The following TYW1B variants were observed in gnomAD, a reference collection of about 807,000 sequenced individuals.
TYW1B encodes S-adenosyl-L-methionine-dependent tRNA 4-demethylwyosine synthase TYW1B.
In TYW1B, 73 loss-of-function variants were observed where a neutral mutation model predicts 86.9. The observed-to-expected ratio is 0.84, with a 90% CI of 0.70 to 1.02. The LOEUF (loss-of-function observed/expected upper bound fraction) is 1.02, where lower values mean the gene tolerates loss of function less well. Among genes scored for constraint, TYW1B ranks in the 50% least tolerant of loss-of-function variants. TYW1B has a pLI of 0.00. For missense variants in TYW1B, 637 were observed against 827.4 expected (o/e 0.77, Z 2.82); for synonymous variants, 248 against 292.8 (o/e 0.85, Z 1.56).
intron 6 of TYW1B, among the ~76,000 whole-genome samples, chr7:72,789,851 C>T (rs1788189557): frequency 6.9e-6 from 1 of 145,100 alleles, no homozygotes; most frequent in South Asian, 2.2e-4. Flanking sequence ...ACACAGTGTA[C>T]AATAAAGAAT....
At chr7:72,614,645 A>G (rs1554436532) in intron 13 of TYW1B, among the ~76,000 whole-genome samples, 3 of 151,894 alleles carry the variant, frequency 2.0e-5, no homozygotes, top group East Asian at 1.9e-4. Flanking sequence ...AAAAAAAAAA[A>G]AAAGAAACAC....
intron 11 of TYW1B, among the ~76,000 whole-genome samples, chr7:72,692,931 G>A (rs1284141677): frequency 6.6e-6 from 1 of 152,088 alleles, no homozygotes; most frequent in Non-Finnish European, 1.5e-5. Context: ...TGTACATCGA[G>A]GCCAGACAGT....
intron 11 of TYW1B, among the ~76,000 whole-genome samples, chr7:72,672,981 C>T (rs1554446649): frequency 1.3e-5 from 2 of 152,158 alleles, no homozygotes; most frequent in Non-Finnish European, 2.9e-5. Flanking sequence ...CCAGCCTGGT[C>T]AACATAGTGA....
At chr7:72,602,885 C>G (rs1371793378) in intron 13 of TYW1B, among the ~76,000 whole-genome samples, 2 of 136,210 alleles carry the variant, frequency 1.5e-5, no homozygotes. Context: ...CACACACACA[C>G]AATGTTGATG....
intron 2 of TYW1B, among the ~76,000 whole-genome samples, chr7:72,820,651 A>G (rs1788811442): frequency 6.6e-6 from 1 of 151,978 alleles, no homozygotes; most frequent in Non-Finnish European, 1.5e-5. Context: ...TCTTCTTACC[A>G]ACAAGCTCTC....
intron 3 of TYW1B, among the ~76,000 whole-genome samples, chr7:72,814,306 C>T (rs1255696274): frequency 2.6e-5 from 4 of 152,012 alleles, no homozygotes; most frequent in Non-Finnish European, 5.9e-5. Context: ...ATCTTTTGGC[C>T]GGGCACGGTG....
intron 6 of TYW1B, among the ~76,000 whole-genome samples, chr7:72,784,643 A>G (rs868913928): frequency 3.3e-5 from 5 of 152,148 alleles, no homozygotes; most frequent in Non-Finnish European, 5.9e-5. Flanking sequence ...GATTACAGGC[A>G]TGTGCCACCA....
rs55709140 is a variant in TYW1B at position 72,602,833 on chromosome 7, A to AACACACACACACAC, written c.1785+13825_1785+13838dup. On this transcript the variant is annotated intron_variant, in intron 13 of 13. Transcript: ENST00000620995. ...GTAGTGCCAGAAAGAAAGTGCTCAA[A>AACACACACACACAC]ACACACACACACACACACACACACA... is the stretch of plus-strand genomic sequence containing the variant. 2.7e-3 allele frequency among the ~76,000 whole-genome samples: 349 copies of AACACACACACACAC among 128,096 alleles called. 2 individuals are homozygous for AACACACACACACAC. Among genetic ancestry groups the AACACACACACACAC allele is most frequent in the East Asian group, 9.2e-3 (35 of 3,806 alleles). 84.0% of individuals were successfully genotyped at this position (128,096 alleles called of 152,430 possible). A position where few individuals can be genotyped will look rare whatever the true frequency, so the allele number is the denominator to read the frequency against.
rs1468663876 is a variant in TYW1B at position 72,812,938 on chromosome 7, A to G, written c.238-2273T>C. ...TATGCCTGAGCTCAAGCGATCCACC[A>G]GCCTTGACCTCTCAACTTGCTGGGA... On this transcript the variant is annotated intron_variant, in intron 3 of 13. Transcript: ENST00000620995. 6.6e-5 allele frequency among the ~76,000 whole-genome samples: 10 copies of G among 152,088 alleles called. 1 individual carries two copies. Among genetic ancestry groups the G allele is most frequent in the African/African-American group, 2.2e-4 (9 of 41,496 alleles).
At chr7:72,732,444 G>A (rs1289606075) in intron 8 of TYW1B, among the ~76,000 whole-genome samples, 1 of 152,008 alleles carries the variant, frequency 6.6e-6, no homozygotes, top group African/African-American at 2.4e-5. Flanking sequence ...AATAAAACAA[G>A]AAATCAGTCA....
chr7:72,581,031 G>A (rs2129567583), intron 13 of TYW1B, among the ~76,000 whole-genome samples: 1 of 101,538 alleles, frequency 9.8e-6, no homozygotes, highest in African/African-American at 3.9e-5. Context: ...AGCATGGATT[G>A]AGGAGGTACC....
intron 6 of TYW1B, among the ~76,000 whole-genome samples, chr7:72,785,797 T>C (rs1788118761): frequency 6.6e-6 from 1 of 152,110 alleles, no homozygotes. Context: ...ACTCAGGGAA[T>C]GTGTGAGCCA....
At chr7:72,770,159 G>A (rs1479561038) in intron 7 of TYW1B, among the ~76,000 whole-genome samples, 10 of 151,070 alleles carry the variant, frequency 6.6e-5, no homozygotes, top group South Asian at 2.1e-4. Context: ...GGCCAGGCAC[G>A]GTGGCTCAAA....
intron 11 of TYW1B, among the ~76,000 whole-genome samples, chr7:72,669,134 CTTTTTTT>C (rs781821639): frequency 2.0e-4 from 16 of 81,554 alleles, no homozygotes; most frequent in South Asian, 5.8e-4. Flanking sequence ...TAATTTTAAA[CTTTTTTT>C]TTTTTTTTTT....
At position 72,811,805 on chromosome 7, in the gene TYW1B, G is replaced by A. The variant is rs546962092; in HGVS notation, c.238-1140C>T. 7.3e-5 allele frequency among the ~76,000 whole-genome samples: 11 copies of A among 151,444 alleles called. No homozygotes were observed. In the South Asian group the frequency reaches 2.1e-3, roughly 29 times the overall value. On this transcript the variant is annotated intron_variant, in intron 3 of 13. Transcript: ENST00000620995. ...TGGGTGCCTGTAGTTCCAGCTACTC[G>A]GGAGGCTGAGGCAGGAAAACTGCTT...
intron 10 of TYW1B, among the ~76,000 whole-genome samples, chr7:72,702,986 CTATATATA>C (rs371144509): frequency 0.09 from 3,258 of 36,108 alleles, 214 homozygotes; most frequent in African/African-American, 0.14. Context: ...ATCTATCTAT[CTATATATA>C]TATATATATA....
intron 8 of TYW1B, among the ~76,000 whole-genome samples, chr7:72,744,123 AG>A (rs1563079264): frequency 6.6e-6 from 1 of 152,168 alleles, no homozygotes; most frequent in East Asian, 1.9e-4. Flanking sequence ...TAGAAAAAAA[AG>A]AAAACAATGT....
intron 6 of TYW1B, among the ~76,000 whole-genome samples, chr7:72,798,390 C>CA (rs782020414): frequency 0.035 from 4,877 of 141,144 alleles, 111 homozygotes; most frequent in Non-Finnish European, 0.055. Flanking sequence ...GACTCCGTCT[C>CA]AAAAAAAAAA....
At chr7:72,650,538 A>G (rs1171411614) in intron 11 of TYW1B, among the ~76,000 whole-genome samples, 1 of 152,152 alleles carries the variant, frequency 6.6e-6, no homozygotes, top group Non-Finnish European at 1.5e-5. Context: ...ATTATTTACT[A>G]AATAATATAT....
Sources: gnomAD v4.1 joint callset for allele counts (sites outside exome capture counted in the v4.1 genomes callset) on GRCh38, gnomAD v4.1.1 for gene constraint, MANE v1.5 for transcripts, NCBI Gene and HGNC (gene_info 2026-07-23, HGNC 2026-07-21) for gene names.